GRM7: variants seen among roughly 807,000 people sequenced by gnomAD.
GRM7 encodes glutamate metabotropic receptor 7.
A neutral mutation model predicts 84.5 loss-of-function variants in GRM7; 35 were observed. The ratio of observed to expected loss-of-function variants is 0.41; its 90% confidence interval spans 0.32 to 0.55. The LOEUF (loss-of-function observed/expected upper bound fraction) is 0.55, where lower values mean the gene tolerates loss of function less well. GRM7 is among the 20% of genes least tolerant of loss of function. The pLI is 0.19. For synonymous variants in GRM7, 487 were observed against 455.1 expected (o/e 1.07, Z -0.89); for missense variants, 1,003 against 1,194.6 (o/e 0.84, Z 2.36).
chr3:7,135,044 A>C (rs1693727552), intron 1 of GRM7, among the ~76,000 whole-genome samples: 1 of 152,194 alleles, frequency 6.6e-6, no homozygotes, highest in Non-Finnish European at 1.5e-5. Context: ...GTGAAGGAAA[A>C]AAGAGTTGCA....
At chr3:7,686,179 G>A (rs1700575856) in intron 9 of GRM7, among the ~76,000 whole-genome samples, 1 of 152,144 alleles carries the variant, frequency 6.6e-6, no homozygotes, top group African/African-American at 2.4e-5. Flanking sequence ...CCCATGTTCA[G>A]AGGTACCTGA....
At chr3:7,693,820 G>C in intron 9 of GRM7, 4 of 554,016 alleles carry the variant, frequency 7.2e-6, no homozygotes, top group Non-Finnish European at 1.3e-5. Flanking sequence ...CTCATCACAT[G>C]CCAGCAACAT....
intron 8 of GRM7, among the ~76,000 whole-genome samples, chr3:7,653,038 G>A (rs541843848): frequency 1.1e-4 from 17 of 152,050 alleles, no homozygotes; most frequent in African/African-American, 2.9e-4. Flanking sequence ...CAATCTCACC[G>A]CCACATCATT....
At chr3:7,126,299 T>C (rs998141069) in intron 1 of GRM7, among the ~76,000 whole-genome samples, 2 of 152,198 alleles carry the variant, frequency 1.3e-5, no homozygotes, top group African/African-American at 4.8e-5. Context: ...TGCCATCTAT[T>C]ACCATAACTC....
intron 7 of GRM7, among the ~76,000 whole-genome samples, chr3:7,543,688 A>C (rs1353572398): frequency 2.6e-5 from 4 of 152,228 alleles, no homozygotes; most frequent in Non-Finnish European, 2.9e-5. Context: ...GTTGTGAAGG[A>C]AGATTTTGTC....
At chr3:7,464,510 C>T (rs1698380964) in intron 7 of GRM7, among the ~76,000 whole-genome samples, 1 of 151,944 alleles carries the variant, frequency 6.6e-6, no homozygotes, top group African/African-American at 2.4e-5. Context: ...AGCAGAGAAC[C>T]CAAGGCCTTG....
At chr3:7,508,633 T>C (rs1481952651) in intron 7 of GRM7, among the ~76,000 whole-genome samples, 3 of 152,162 alleles carry the variant, frequency 2.0e-5, no homozygotes, top group Non-Finnish European at 4.4e-5. Context: ...TAGCAATCAT[T>C]TAAGCTAGTT....
chr3:7,073,818 G>T (rs1559421648), intron 1 of GRM7, among the ~76,000 whole-genome samples: 1 of 151,642 alleles, frequency 6.6e-6, no homozygotes, highest in African/African-American at 2.4e-5. Context: ...AAATAGATAA[G>T]GTTTATGGTC....
At chr3:7,343,668 A>G (rs1692755681) in intron 4 of GRM7, among the ~76,000 whole-genome samples, 1 of 152,164 alleles carries the variant, frequency 6.6e-6, no homozygotes, top group Admixed American at 6.6e-5. Flanking sequence ...TCCTTCAGCA[A>G]TGTTTTTTAA....
intron 1 of GRM7, among the ~76,000 whole-genome samples, chr3:7,012,443 G>A (rs1442450185): frequency 6.6e-6 from 1 of 151,908 alleles, no homozygotes; most frequent in Admixed American, 6.6e-5. Flanking sequence ...ACCTATGATG[G>A]GGCTCCGGAA....
At chr3:7,373,408 T>C (rs1694218691) in intron 4 of GRM7, among the ~76,000 whole-genome samples, 1 of 152,194 alleles carries the variant, frequency 6.6e-6, no homozygotes, top group Non-Finnish European at 1.5e-5. Context: ...TAAATCAGAT[T>C]ATGTGGATGT....
chr3:7,608,049 C>CA (rs1288274114), intron 8 of GRM7: 5 of 358,674 alleles, frequency 1.4e-5, no homozygotes, highest in Admixed American at 2.9e-5. Context: ...TATGTTCCTG[C>CA]AAAAGACATG....
At chr3:7,701,737 T>C (rs1019673678) in intron 9 of GRM7, among the ~76,000 whole-genome samples, 6 of 152,152 alleles carry the variant, frequency 3.9e-5, no homozygotes, top group Non-Finnish European at 2.9e-5. Context: ...TAAGAGAAGA[T>C]GTTCTTCACT....
chr3:7,288,255 C>G (rs1039988665), intron 2 of GRM7, among the ~76,000 whole-genome samples: 1 of 151,998 alleles, frequency 6.6e-6, no homozygotes, highest in Non-Finnish European at 1.5e-5. Context: ...TGAAAAGATG[C>G]TATTACAAAG....
intron 2 of GRM7, among the ~76,000 whole-genome samples, chr3:7,235,996 C>T (rs779939386): frequency 6.6e-6 from 1 of 152,164 alleles, no homozygotes; most frequent in East Asian, 1.9e-4. Flanking sequence ...GGTCCAGGAT[C>T]AAGGTCCTTG....
At chr3:6,959,147 C>T (rs546771865) in intron 1 of GRM7, among the ~76,000 whole-genome samples, 56 of 152,236 alleles carry the variant, frequency 3.7e-4, no homozygotes, top group African/African-American at 1.3e-3. Context: ...CACATGATCT[C>T]ATTTCATTCA....
At chr3:7,640,255 C>T (rs1056513414) in intron 8 of GRM7, among the ~76,000 whole-genome samples, 4 of 152,168 alleles carry the variant, frequency 2.6e-5, no homozygotes, top group African/African-American at 9.6e-5. Context: ...AGCAAGATAG[C>T]ATGATCTGTG....
chr3:7,683,637 C>T (rs988773855), intron 9 of GRM7, among the ~76,000 whole-genome samples: 10 of 152,172 alleles, frequency 6.6e-5, no homozygotes, highest in Admixed American at 2.6e-4. Flanking sequence ...TCTGCAGTGA[C>T]GATCATGTTT....
At chr3:7,049,042 A>T (rs1440956782) in intron 1 of GRM7, among the ~76,000 whole-genome samples, 1 of 152,008 alleles carries the variant, frequency 6.6e-6, no homozygotes, top group Non-Finnish European at 1.5e-5. Context: ...TAAATAAATT[A>T]TATTCAATCA....
Sources: gnomAD v4.1 joint callset for allele counts (sites outside exome capture counted in the v4.1 genomes callset) on GRCh38, gnomAD v4.1.1 for gene constraint, MANE v1.5 for transcripts, NCBI Gene and HGNC (gene_info 2026-07-23, HGNC 2026-07-21) for gene names.